LEPROTL1: variants seen among roughly 807,000 people sequenced by gnomAD.
The protein encoded by LEPROTL1 is leptin receptor overlapping transcript like 1, also known as leptin receptor overlapping transcript-like 1.
LEPROTL1 carries 6 observed loss-of-function variants against 15.4 expected under a neutral mutation model. The observed-to-expected ratio is 0.39, with a 90% CI of 0.21 to 0.77. The LOEUF is 0.77. LEPROTL1 is among the 30% of genes least tolerant of loss of function. The probability of loss-of-function intolerance (pLI) is 0.41; values close to 1 mark genes in which losing one functional copy is unlikely to be tolerated. For synonymous variants in LEPROTL1, 56 were observed against 52.6 expected (o/e 1.06, Z -0.28); for missense variants, 128 against 158.1 (o/e 0.81, Z 1.02).
At chr8:30,138,258 G>C, downstream of LEPROTL1, 1 of 299,394 alleles carries the variant, frequency 3.3e-6, no homozygotes, top group Non-Finnish European at 6.4e-6. Context: ...TTTCTTTACT[G>C]CAATTCCCCT....
In LEPROTL1 at chr8:30,105,993, C is replaced by T. The variant is rs903922036; in HGVS notation, c.*131C>T. Reference sequence around the variant, plus strand: ...GGGGGTATTTTAGGTGCTCCCTTCTCACTTTTATTGTAAGCATACTATTTT... The same window carrying T: ...GGGGGTATTTTAGGTGCTCCCTTCTTACTTTTATTGTAAGCATACTATTTT... On this transcript the variant is annotated 3_prime_UTR_variant, in exon 4 of 4. Coordinates refer to ENST00000321250, the MANE Select transcript of LEPROTL1 (RefSeq NM_015344.3). The T allele has an allele frequency of 7.8e-6, 10 of 1,280,534 alleles. No individual in the cohort carries two copies. In the African/African-American group the frequency reaches 1.4e-4, roughly 18 times the overall value. 79.3% of individuals were successfully genotyped at this position (1,280,534 alleles called of 1,614,324 possible). A position where few individuals can be genotyped will look rare whatever the true frequency, so the allele number is the denominator to read the frequency against.
At chr8:30,117,472 A>G (rs1802758718) in intron 3 of LEPROTL1, 3 of 1,500,008 alleles carry the variant, frequency 2.0e-6, no homozygotes, top group African/African-American at 1.4e-5. Context: ...TGTCAGTACA[A>G]TGAAACCAAA....
chr8:30,131,622 T>A (rs540403877), intron 3 of LEPROTL1, among the ~76,000 whole-genome samples: 4 of 152,250 alleles, frequency 2.6e-5, no homozygotes, highest in Admixed American at 2.6e-4. Context: ...TTTTGGGGTG[T>A]CTATATATAG....
At chr8:30,133,966 A>G (rs1226533675) in intron 4 of LEPROTL1, among the ~76,000 whole-genome samples, 4 of 152,310 alleles carry the variant, frequency 2.6e-5, no homozygotes, top group Middle Eastern at 3.4e-3. Context: ...ACAACCTTGC[A>G]TAACAACCAT....
At position 30,100,036 on chromosome 8, in the gene LEPROTL1, T is replaced by TG. The variant is rs200096661; in HGVS notation, c.17-1861dup. ...TTTATATTGCATTCCCCTGTAAACT[T>TG]GAAGTGCCTCGTTTGCTGTAAAGTA... On this transcript the variant is annotated intron_variant, in intron 1 of 3. Coordinates refer to ENST00000321250, the MANE Select transcript of LEPROTL1 (RefSeq NM_015344.3). Among the ~76,000 whole-genome samples, 457 of 152,344 alleles carry TG rather than the reference T, an allele frequency of 3.0e-3. 8 individuals carry two copies. In the East Asian group the frequency reaches 0.049, roughly 16 times the overall value.
In LEPROTL1 at chr8:30,105,950, T is replaced by A. The variant is rs1802558667; in HGVS notation, c.*88T>A. The A allele has an allele frequency of 1.4e-6, 2 of 1,380,452 alleles. No homozygotes were observed. The highest frequency in any genetic ancestry group is 3.4e-5 in the South Asian group (2 of 59,526). The allele number at this position is 1,380,452 out of a possible 1,614,324, so 85.5% of individuals were successfully genotyped here. The stretch of plus-strand genomic sequence containing the variant: ...AGGAGATGGGGCAGTTAATGCTGAA[T>A]GGTATAGCAAGCCTCTTGGGGGTAT... On this transcript the variant is annotated 3_prime_UTR_variant, in exon 4 of 4. Coordinates refer to ENST00000321250, the MANE Select transcript of LEPROTL1 (RefSeq NM_015344.3).
downstream of LEPROTL1, among the ~76,000 whole-genome samples, chr8:30,111,321 A>AT (rs553011080): frequency 4.4e-4 from 67 of 152,362 alleles, 2 homozygotes; most frequent in South Asian, 0.014. Flanking sequence ...TCATTTACTA[A>AT]TTTAAATGGC....
intron 2 of LEPROTL1, among the ~76,000 whole-genome samples, chr8:30,103,235 T>C (rs948992917): frequency 2.0e-5 from 3 of 152,196 alleles, no homozygotes; most frequent in African/African-American, 7.2e-5. Context: ...AGTGCTAACA[T>C]GTAAATATGT....
chr8:30,109,838 C>A (rs1164542006), downstream of LEPROTL1, among the ~76,000 whole-genome samples: 1 of 151,566 alleles, frequency 6.6e-6, no homozygotes, highest in African/African-American at 2.4e-5. Flanking sequence ...GACAGGTATT[C>A]TTCCTCTTGA....
chr8:30,135,254 A>G (rs909299941), intron 4 of LEPROTL1, among the ~76,000 whole-genome samples: 3 of 152,198 alleles, frequency 2.0e-5, no homozygotes, highest in Non-Finnish European at 4.4e-5. Context: ...AGGCAGGATC[A>G]TGTAAATGGG....
At chr8:30,129,775 G>C (rs993905286) in intron 3 of LEPROTL1, among the ~76,000 whole-genome samples, 1 of 151,402 alleles carries the variant, frequency 6.6e-6, no homozygotes, top group African/African-American at 2.4e-5. Context: ...ACCTGAGACT[G>C]GGTAATTAAT....
At chr8:30,127,706 G>A (rs572191019) in intron 3 of LEPROTL1, among the ~76,000 whole-genome samples, 3 of 132,350 alleles carry the variant, frequency 2.3e-5, no homozygotes, top group South Asian at 2.5e-4. Context: ...ACACACACAC[G>A]TATATGTATT....
intron 1 of LEPROTL1, among the ~76,000 whole-genome samples, chr8:30,100,302 A>AGTCT (rs1802444668): frequency 6.6e-6 from 1 of 152,196 alleles, no homozygotes; most frequent in Non-Finnish European, 1.5e-5. Flanking sequence ...TTGTTTTGGT[A>AGTCT]ACTTTTAGAC....
chr8:30,116,918 A>C (rs948630741), intron 3 of LEPROTL1, among the ~76,000 whole-genome samples: 1 of 152,130 alleles, frequency 6.6e-6, no homozygotes, highest in Non-Finnish European at 1.5e-5. Flanking sequence ...ATCTGATACT[A>C]ACTCCAGGTA....
intron 3 of LEPROTL1, among the ~76,000 whole-genome samples, chr8:30,121,963 C>T (rs1166736323): frequency 2.0e-5 from 3 of 151,788 alleles, no homozygotes; most frequent in African/African-American, 7.3e-5. Flanking sequence ...GTCAGGAGTT[C>T]GAGACCAGCC....
At position 30,106,773 on chromosome 8, in the gene LEPROTL1, G is replaced by A. The variant is rs550476791; in HGVS notation, c.*911G>A. 108 of 984,098 alleles carry A rather than the reference G, an allele frequency of 1.1e-4. No homozygotes were observed. In the South Asian group the frequency reaches 4.3e-3, roughly 39 times the overall value. The allele number at this position is 984,098 out of a possible 1,614,324, so 61.0% of individuals were successfully genotyped here. A position where few individuals can be genotyped will look rare whatever the true frequency, so the allele number is the denominator to read the frequency against. Reference sequence around the variant, plus strand: ...GGACATACATGGAACCACTACTGATGAGGGACAGTTGTATGTTTGCATCAT... The same window carrying A: ...GGACATACATGGAACCACTACTGATAAGGGACAGTTGTATGTTTGCATCAT... On this transcript the variant is annotated 3_prime_UTR_variant, in exon 4 of 4. Coordinates refer to ENST00000321250, the MANE Select transcript of LEPROTL1 (RefSeq NM_015344.3).
chr8:30,120,993 C>T (rs1802820598), intron 3 of LEPROTL1, among the ~76,000 whole-genome samples: 1 of 152,154 alleles, frequency 6.6e-6, no homozygotes, highest in African/African-American at 2.4e-5. Context: ...TGCTCCCAGC[C>T]CCTGGCAGCC....
chr8:30,102,014 AT>A (rs778743245), intron 2 of LEPROTL1, 41 bp downstream of exon 2: 2 of 1,313,786 alleles, frequency 1.5e-6, no homozygotes. Flanking sequence ...TAAGGGTAAA[AT>A]TTTTCTACTT....
At chr8:30,131,943 T>A (rs1325942776) in intron 3 of LEPROTL1, 1 of 1,541,106 alleles carries the variant, frequency 6.5e-7, no homozygotes, top group South Asian at 1.2e-5. Context: ...GGGAAAGATG[T>A]CAGTTACATT....
Sources: gnomAD v4.1 joint callset for allele counts (sites outside exome capture counted in the v4.1 genomes callset) on GRCh38, gnomAD v4.1.1 for gene constraint, MANE v1.5 for transcripts, NCBI Gene and HGNC (gene_info 2026-07-23, HGNC 2026-07-21) for gene names.